The following HS6ST3 variants were observed in gnomAD, a reference collection of about 807,000 sequenced individuals.
The protein encoded by HS6ST3 is heparan-sulfate 6-O-sulfotransferase 3.
HS6ST3 carries 12 observed loss-of-function variants against 36.7 expected under a neutral mutation model. That is an observed-to-expected ratio of 0.33 (90% CI 0.21 to 0.53). The LOEUF is 0.53. Ranked by LOEUF, HS6ST3 falls within the 20% of genes least tolerant of loss-of-function variation. The pLI is 0.95. For missense variants in HS6ST3, 584 were observed against 640.9 expected, an observed-to-expected ratio of 0.91 and a Z score of 0.96; for synonymous variants, 240 against 257.5, an observed-to-expected ratio of 0.93 and a Z score of 0.65.
chr13:96,783,764 A>T (rs1877578412), intron 1 of HS6ST3, among the ~76,000 whole-genome samples: 1 of 152,048 alleles, frequency 6.6e-6, no homozygotes, highest in East Asian at 1.9e-4. Context: ...GGAAGATAAG[A>T]TGTGATTCAA....
chr13:96,231,820 C>T (rs1167724527), intron 1 of HS6ST3, among the ~76,000 whole-genome samples: 2 of 152,186 alleles, frequency 1.3e-5, no homozygotes, highest in Non-Finnish European at 2.9e-5. Flanking sequence ...TAGATGAAGA[C>T]TGCTGATAGA....
At chr13:96,279,971 A>G (rs2054767441) in intron 1 of HS6ST3, among the ~76,000 whole-genome samples, 1 of 152,214 alleles carries the variant, frequency 6.6e-6, no homozygotes, top group East Asian at 1.9e-4. Context: ...GCAAGGGACT[A>G]CAACTCCCTA....
intron 1 of HS6ST3, among the ~76,000 whole-genome samples, chr13:96,729,686 C>G (rs777712928): frequency 2.8e-4 from 43 of 152,010 alleles, no homozygotes; most frequent in Non-Finnish European, 5.9e-4. Context: ...AGGCTGGTCT[C>G]AAACTCCTGG....
chr13:96,687,658 T>G (rs189776435), intron 1 of HS6ST3, among the ~76,000 whole-genome samples: 1 of 152,088 alleles, frequency 6.6e-6, no homozygotes, highest in Non-Finnish European at 1.5e-5. Flanking sequence ...ATGATCTGTA[T>G]GTATCTAAAC....
intron 1 of HS6ST3, among the ~76,000 whole-genome samples, chr13:96,557,202 G>T (rs2056244426): frequency 1.3e-5 from 2 of 152,154 alleles, no homozygotes; most frequent in African/African-American, 2.4e-5. Context: ...GCAAGTACCT[G>T]TGAGGTGGGT....
intron 1 of HS6ST3, among the ~76,000 whole-genome samples, chr13:96,129,612 G>A (rs2053966798): frequency 6.6e-6 from 1 of 152,186 alleles, no homozygotes; most frequent in African/African-American, 2.4e-5. Flanking sequence ...GACTTATCTT[G>A]AGTAATAGTA....
intron 1 of HS6ST3, among the ~76,000 whole-genome samples, chr13:96,772,665 C>T (rs946006260): frequency 1.3e-5 from 2 of 152,066 alleles, no homozygotes; most frequent in Non-Finnish European, 2.9e-5. Context: ...TTAAGAAATC[C>T]ACCGAAGTTA....
chr13:96,810,014 A>G (rs530790561), intron 1 of HS6ST3, among the ~76,000 whole-genome samples: 9 of 152,290 alleles, frequency 5.9e-5, no homozygotes, highest in African/African-American at 1.7e-4. Context: ...AGGACTAAGG[A>G]AAAAAGTGCC....
At chr13:96,738,105 A>G (rs1459555932) in intron 1 of HS6ST3, among the ~76,000 whole-genome samples, 6 of 152,222 alleles carry the variant, frequency 3.9e-5, no homozygotes, top group African/African-American at 1.2e-4. Context: ...TTGGGAGGCC[A>G]TTATTCTGCC....
chr13:96,525,396 T>C (rs2056109612), intron 1 of HS6ST3, among the ~76,000 whole-genome samples: 1 of 152,194 alleles, frequency 6.6e-6, no homozygotes, highest in South Asian at 2.1e-4. Flanking sequence ...CTCCCCTCCC[T>C]TCCTAGTTAC....
At chr13:96,339,953 C>G (rs1195749461) in intron 1 of HS6ST3, among the ~76,000 whole-genome samples, 1 of 152,190 alleles carries the variant, frequency 6.6e-6, no homozygotes, top group Non-Finnish European at 1.5e-5. Flanking sequence ...GAAGAGTTAA[C>G]CTTCTTATTC....
chr13:96,153,126 A>G (rs1169468428), intron 1 of HS6ST3, among the ~76,000 whole-genome samples: 2 of 152,246 alleles, frequency 1.3e-5, no homozygotes, highest in East Asian at 3.9e-4. Flanking sequence ...GCATATGGAC[A>G]CACACACCTA....
chr13:96,748,752 G>A (rs1433722298), intron 1 of HS6ST3, among the ~76,000 whole-genome samples: 1 of 151,966 alleles, frequency 6.6e-6, no homozygotes, highest in Non-Finnish European at 1.5e-5. Context: ...TGCCTGGCTT[G>A]TAGTAGACCC....
chr13:96,375,090 T>G (rs1454996963), intron 1 of HS6ST3, among the ~76,000 whole-genome samples: 1 of 152,128 alleles, frequency 6.6e-6, no homozygotes, highest in Non-Finnish European at 1.5e-5. Flanking sequence ...TAGAAAGCTC[T>G]CTCTTGCCTC....
chr13:96,535,361 C>T (rs2056151283), intron 1 of HS6ST3, among the ~76,000 whole-genome samples: 2 of 151,878 alleles, frequency 1.3e-5, no homozygotes, highest in Non-Finnish European at 2.9e-5. Context: ...TCGAGACCAT[C>T]CTGGCTAACA....
intron 1 of HS6ST3, among the ~76,000 whole-genome samples, chr13:96,146,954 C>T (rs979497229): frequency 4.6e-5 from 7 of 152,110 alleles, no homozygotes; most frequent in African/African-American, 1.7e-4. Flanking sequence ...GTTGTTATAC[C>T]ATCTATCAAT....
chr13:96,699,945 C>T (rs1031509325), intron 1 of HS6ST3, among the ~76,000 whole-genome samples: 8 of 152,330 alleles, frequency 5.3e-5, no homozygotes, highest in African/African-American at 1.4e-4. Context: ...TGCTTTATTA[C>T]ACAACACCTT....
intron 1 of HS6ST3, among the ~76,000 whole-genome samples, chr13:96,642,764 A>G (rs1198875737): frequency 1.3e-5 from 2 of 151,892 alleles, no homozygotes; most frequent in African/African-American, 4.8e-5. Flanking sequence ...CTATCTTTTT[A>G]TTGATATTCT....
chr13:96,520,603 TTC>T (rs1445915990), intron 1 of HS6ST3, among the ~76,000 whole-genome samples: 5 of 152,186 alleles, frequency 3.3e-5, no homozygotes, highest in Non-Finnish European at 5.9e-5. Context: ...AGGTATTTTA[TTC>T]TCTCAGTAGC....
Sources: gnomAD v4.1 joint callset for allele counts (sites outside exome capture counted in the v4.1 genomes callset) on GRCh38, gnomAD v4.1.1 for gene constraint, MANE v1.5 for transcripts, NCBI Gene and HGNC (gene_info 2026-07-23, HGNC 2026-07-21) for gene names.